ADGRL3: variants seen among roughly 807,000 people sequenced by gnomAD.
The protein encoded by ADGRL3 is calcium-independent alpha-latrotoxin receptor 3.
Under a neutral mutation model 153.5 loss-of-function variants are expected in ADGRL3, and 62 were observed. The observed-to-expected ratio is 0.40, with a 90% CI of 0.33 to 0.50. The LOEUF is 0.50. Among genes scored for constraint, ADGRL3 ranks in the 20% least tolerant of loss-of-function variants. The pLI is 0.47. For missense variants in ADGRL3, 1,641 were observed against 1,859.4 expected, an observed-to-expected ratio of 0.88 and a Z score of 2.16; for synonymous variants, 710 against 672.5, an observed-to-expected ratio of 1.06 and a Z score of -0.86.
chr4:61,848,082 A>ATATATAATATAAAATATAT lies in ADGRL3; in HGVS notation c.1480+34205_1480+34223dup, dbSNP rs1561353586. 1.4e-4 allele frequency among the ~76,000 whole-genome samples: 13 copies of ATATATAATATAAAATATAT among 95,600 alleles called. 2 individuals carry two copies. Among genetic ancestry groups the ATATATAATATAAAATATAT allele is most frequent in the East Asian group, 2.8e-4 (1 of 3,588 alleles). The allele number at this position is 95,600 out of a possible 152,430, so 62.7% of individuals were successfully genotyped here. ...ATATATATAATATAAAATATATTATATATATAATATAAAATATATTATATA... is the reference window on the plus strand; with the variant it reads ...ATATATATAATATAAAATATATTATATATATAATATAAAATATATTATATAATATAAAATATATTATATA... On this transcript the variant is annotated intron_variant, in intron 9 of 26. Transcript: ENST00000683033.
intron 8 of ADGRL3, among the ~76,000 whole-genome samples, chr4:61,762,171 T>A (rs2096920497): frequency 6.6e-6 from 1 of 152,178 alleles, no homozygotes; most frequent in South Asian, 2.1e-4. Flanking sequence ...ATGTGGCATA[T>A]AATGTTCTAA....
chr4:61,432,072 A>G (rs2097362492), intron 2 of ADGRL3, among the ~76,000 whole-genome samples: 1 of 152,146 alleles, frequency 6.6e-6, no homozygotes, highest in South Asian at 2.1e-4. Context: ...ATGTAATCCA[A>G]TTGATCTTTT....
At chr4:61,430,227 G>A (rs1430285259) in intron 2 of ADGRL3, among the ~76,000 whole-genome samples, 1 of 152,068 alleles carries the variant, frequency 6.6e-6, no homozygotes, top group African/African-American at 2.4e-5. Context: ...AATGTAAATG[G>A]GATTGGAAGA....
chr4:61,328,916 C>T (rs1350906361), intron 1 of ADGRL3, among the ~76,000 whole-genome samples: 1 of 152,156 alleles, frequency 6.6e-6, no homozygotes, highest in East Asian at 1.9e-4. Context: ...TCGTCCTGCT[C>T]TGTAATCAGT....
At chr4:61,930,281 G>C (rs1196107207) in intron 13 of ADGRL3, among the ~76,000 whole-genome samples, 5 of 152,000 alleles carry the variant, frequency 3.3e-5, no homozygotes, top group Non-Finnish European at 7.4e-5. Flanking sequence ...GGAGGAAGGG[G>C]GGTAACTAGG....
At chr4:62,065,903 G>A (rs1742737467) in intron 25 of ADGRL3, among the ~76,000 whole-genome samples, 1 of 151,778 alleles carries the variant, frequency 6.6e-6, no homozygotes, top group African/African-American at 2.4e-5. Flanking sequence ...TTATTCTTGG[G>A]ATCTATGACT....
At chr4:61,379,554 G>A (rs886351224) in intron 1 of ADGRL3, among the ~76,000 whole-genome samples, 11 of 151,828 alleles carry the variant, frequency 7.2e-5, no homozygotes, top group Non-Finnish European at 1.6e-4. Flanking sequence ...TGTCATCTTA[G>A]GCTGAAAGCC....
chr4:61,572,381 A>G (rs558154576), intron 4 of ADGRL3, among the ~76,000 whole-genome samples: 1 of 152,234 alleles, frequency 6.6e-6, no homozygotes, highest in Admixed American at 6.5e-5. Flanking sequence ...TGAAAACCAC[A>G]ATTCACTCAA....
At chr4:61,335,666 A>C (rs2095660136) in intron 1 of ADGRL3, among the ~76,000 whole-genome samples, 1 of 152,172 alleles carries the variant, frequency 6.6e-6, no homozygotes, top group Non-Finnish European at 1.5e-5. Context: ...GATTTGAGGA[A>C]ATAGGAATAA....
At chr4:62,031,343 T>C in intron 22 of ADGRL3, 99 bp from the exon 23 acceptor site, 2 of 971,678 alleles carry the variant, frequency 2.1e-6, no homozygotes, top group Non-Finnish European at 3.0e-6. Flanking sequence ...CAATAAAAGT[T>C]ACTGTAACAT....
intron 11 of ADGRL3, among the ~76,000 whole-genome samples, chr4:61,903,296 C>G (rs1486687272): frequency 6.6e-6 from 1 of 152,094 alleles, no homozygotes; most frequent in Admixed American, 6.6e-5. Context: ...GTGGTTACTT[C>G]TTCTTGCCCT....
intron 9 of ADGRL3, among the ~76,000 whole-genome samples, chr4:61,859,559 A>G (rs1320680058): frequency 6.6e-6 from 1 of 152,178 alleles, no homozygotes; most frequent in Non-Finnish European, 1.5e-5. Context: ...CATTGACTCC[A>G]TACCATTTTT....
At chr4:61,804,664 T>C (rs552959937) in intron 8 of ADGRL3, among the ~76,000 whole-genome samples, 5 of 152,304 alleles carry the variant, frequency 3.3e-5, no homozygotes, top group South Asian at 2.1e-4. Flanking sequence ...CTAATTCCCT[T>C]ATAGATCTGC....
intron 2 of ADGRL3, among the ~76,000 whole-genome samples, chr4:61,459,445 A>G (rs1264791710): frequency 6.6e-6 from 1 of 151,964 alleles, no homozygotes; most frequent in East Asian, 1.9e-4. Context: ...CATTTTCTTT[A>G]GTCATTCATC....
rs1449954360 is a variant in ADGRL3 at position 61,987,462 on chromosome 4, A to G, written c.3236+3859A>G. The stretch of plus-strand genomic sequence containing the variant: ...AGTGCTGGGATTACAGGTGTGAGCC[A>G]CCATGCCCAGCCTGCTTTTATTTTA... On this transcript the variant is annotated intron_variant, in intron 19 of 26. Transcript: ENST00000683033. 2.6e-5 allele frequency among the ~76,000 whole-genome samples: 4 copies of G among 152,156 alleles called. No individual in the cohort carries two copies. In the East Asian group the frequency reaches 7.7e-4, roughly 29 times the overall value.
intron 2 of ADGRL3, among the ~76,000 whole-genome samples, chr4:61,403,369 AG>A (rs2096954509): frequency 6.6e-6 from 1 of 152,044 alleles, no homozygotes; most frequent in Non-Finnish European, 1.5e-5. Context: ...GAAATGGGAA[AG>A]GGCCTGGAAA....
chr4:61,371,368 C>G (rs2096525527), intron 1 of ADGRL3, among the ~76,000 whole-genome samples: 1 of 151,754 alleles, frequency 6.6e-6, no homozygotes, highest in African/African-American at 2.4e-5. Flanking sequence ...GCGGCTGGTA[C>G]CGGTTGTTCC....
At chr4:61,829,938 A>G (rs1040695060) in intron 9 of ADGRL3, among the ~76,000 whole-genome samples, 2 of 152,102 alleles carry the variant, frequency 1.3e-5, no homozygotes, top group African/African-American at 4.8e-5. Context: ...AGGCCATGGC[A>G]GGAGGATCTC....
chr4:61,244,517 T>A (rs1756282890), intron 1 of ADGRL3, among the ~76,000 whole-genome samples: 1 of 152,050 alleles, frequency 6.6e-6, no homozygotes, highest in African/African-American at 2.4e-5. Context: ...AATTTATATC[T>A]ATAATGCTGA....
Sources: allele counts gnomAD v4.1 joint callset (sites outside exome capture counted in the v4.1 genomes callset), GRCh38; gene constraint gnomAD v4.1.1; transcripts MANE v1.5; gene names NCBI Gene and HGNC (gene_info 2026-07-23, HGNC 2026-07-21).